BIRC6: variants seen among roughly 807,000 people sequenced by gnomAD.
The protein encoded by BIRC6 is baculoviral IAP repeat containing 6, also known as dual E2 ubiquitin-conjugating enzyme/E3 ubiquitin-protein ligase BIRC6.
A neutral mutation model predicts 503.3 loss-of-function variants in BIRC6; 98 were observed. The ratio of observed to expected loss-of-function variants is 0.19; its 90% confidence interval spans 0.17 to 0.23. The LOEUF (loss-of-function observed/expected upper bound fraction) is 0.23. Among genes scored for constraint, BIRC6 ranks in the 10% least tolerant of loss-of-function variants. The pLI is 1.00. For missense variants in BIRC6, 5,360 were observed against 5,806.0 expected, an observed-to-expected ratio of 0.92 and a Z score of 2.50; for synonymous variants, 2,240 against 2,078.7, an observed-to-expected ratio of 1.08 and a Z score of -2.11.
intron 20 of BIRC6, 144 bp from the exon 21 acceptor site, chr2:32,445,376 TA>T: frequency 1.3e-6 from 1 of 797,204 alleles, no homozygotes; most frequent in Non-Finnish European, 1.8e-6. Flanking sequence ...GTTATCTTTG[TA>T]AATTGCCTAT....
intron 65 of BIRC6, among the ~76,000 whole-genome samples, chr2:32,559,730 A>G (rs1230440440): frequency 3.3e-5 from 5 of 151,790 alleles, no homozygotes; most frequent in African/African-American, 1.2e-4. Flanking sequence ...TAAAAAAAAA[A>G]AAAAAATAAG....
At chr2:32,562,112 A>T (rs903203057) in intron 65 of BIRC6, among the ~76,000 whole-genome samples, 8 of 152,142 alleles carry the variant, frequency 5.3e-5, no homozygotes, top group African/African-American at 1.9e-4. Context: ...TGTGCTTGCA[A>T]ATTTGTGGGA....
At chr2:32,517,481 C>G (rs1368313117) in intron 55 of BIRC6, among the ~76,000 whole-genome samples, 1 of 152,192 alleles carries the variant, frequency 6.6e-6, no homozygotes, top group Non-Finnish European at 1.5e-5. Context: ...GGGCATGATT[C>G]TAGGTATTTG....
intron 65 of BIRC6, among the ~76,000 whole-genome samples, chr2:32,555,095 CAAAT>C (rs1364599941): frequency 7.2e-5 from 11 of 152,090 alleles, no homozygotes; most frequent in Admixed American, 5.2e-4. Context: ...GCCTGAGAAA[CAAAT>C]AATGAAAAAT....
At chr2:32,525,678 A>G (rs1324968550) in intron 59 of BIRC6, 50 bp downstream of exon 59, 3 of 1,551,918 alleles carry the variant, frequency 1.9e-6, no homozygotes, top group South Asian at 1.2e-5. Flanking sequence ...TAGCCTTAAA[A>G]CTATGTAAAT....
intron 10 of BIRC6, among the ~76,000 whole-genome samples, chr2:32,422,546 CT>C (rs2043051157): frequency 6.6e-6 from 1 of 152,188 alleles, no homozygotes. Context: ...CCCTCCTCCC[CT>C]CTCCCAAACT....
chr2:32,518,169 TA>T (rs2055264767), intron 55 of BIRC6, 84 bp from the exon 56 acceptor site: 11 of 1,277,334 alleles, frequency 8.6e-6, no homozygotes, highest in Non-Finnish European at 1.1e-5. Flanking sequence ...AACTTATTCA[TA>T]TTTTCTGTTT....
At chr2:32,613,190 T>G (rs746515579) in intron 73 of BIRC6, among the ~76,000 whole-genome samples, 4 of 130,052 alleles carry the variant, frequency 3.1e-5, no homozygotes, top group Non-Finnish European at 5.5e-5. Context: ...TTGACTGGTT[T>G]GTTTGTTTGT....
At chr2:32,589,016 C>A (rs970808988) in intron 66 of BIRC6, among the ~76,000 whole-genome samples, 3 of 152,136 alleles carry the variant, frequency 2.0e-5, no homozygotes, top group Non-Finnish European at 2.9e-5. Flanking sequence ...TTCATAGCTT[C>A]CTTCAAGCAG....
chr2:32,583,887 C>T (rs556056436), intron 66 of BIRC6, among the ~76,000 whole-genome samples: 30 of 152,226 alleles, frequency 2.0e-4, no homozygotes, highest in African/African-American at 5.5e-4. Flanking sequence ...CCCGCCACCA[C>T]GCCCGGCTAA....
chr2:32,511,201 C>CAT (rs2054365681), intron 53 of BIRC6, among the ~76,000 whole-genome samples: 1 of 48,582 alleles, frequency 2.1e-5, no homozygotes, highest in Admixed American at 2.8e-4. Flanking sequence ...CTTTTCTTTT[C>CAT]TTTTTTTTTT....
intron 51 of BIRC6, 137 bp downstream of exon 51, chr2:32,508,396 TACAA>T: frequency 8.5e-7 from 1 of 1,174,386 alleles, no homozygotes; most frequent in Non-Finnish European, 1.1e-6. Flanking sequence ...ATCTGTATAA[TACAA>T]TTTTATTAGG....
intron 9 of BIRC6, among the ~76,000 whole-genome samples, chr2:32,407,274 C>T (rs1369213304): frequency 1.3e-5 from 2 of 151,932 alleles, no homozygotes; most frequent in African/African-American, 2.4e-5. Flanking sequence ...GGTGAAACCC[C>T]GTTTCTACTA....
intron 23 of BIRC6, among the ~76,000 whole-genome samples, chr2:32,455,332 A>C (rs749859348): frequency 1.1e-4 from 17 of 148,392 alleles, no homozygotes; most frequent in Non-Finnish European, 2.1e-4. Flanking sequence ...GTGAGCTGAG[A>C]TCGCGCTACT....
intron 1 of BIRC6, among the ~76,000 whole-genome samples, chr2:32,358,211 C>G (rs1412105779): frequency 2.6e-5 from 4 of 152,188 alleles, no homozygotes; most frequent in African/African-American, 9.7e-5. Context: ...AAGTCAGGAC[C>G]TGTGGTGTAT....
chr2:32,393,092 C>T (rs1391985629), intron 5 of BIRC6, among the ~76,000 whole-genome samples: 1 of 151,758 alleles, frequency 6.6e-6, no homozygotes, highest in Non-Finnish European at 1.5e-5. Flanking sequence ...AGCAGTTTTA[C>T]AGTTTCGAAA....
chr2:32,487,410 T>C (rs1245809849), intron 40 of BIRC6, among the ~76,000 whole-genome samples: 1 of 152,198 alleles, frequency 6.6e-6, no homozygotes, highest in African/African-American at 2.4e-5. Flanking sequence ...TCTTTGCCTT[T>C]TTTTGTTGGT....
chr2:32,419,161 A>C (rs946923171), intron 10 of BIRC6, among the ~76,000 whole-genome samples: 1 of 152,230 alleles, frequency 6.6e-6, no homozygotes, highest in Non-Finnish European at 1.5e-5. Flanking sequence ...GATAATAACA[A>C]AGCGGAAAGA....
intron 66 of BIRC6, among the ~76,000 whole-genome samples, chr2:32,578,326 T>C (rs6543659): frequency 0.019 from 2,962 of 152,234 alleles, 98 homozygotes; most frequent in African/African-American, 0.067. Context: ...AGTTTAATTT[T>C]AACACTGACT....
Sources: gnomAD v4.1 joint callset for allele counts (sites outside exome capture counted in the v4.1 genomes callset) on GRCh38, gnomAD v4.1.1 for gene constraint, MANE v1.5 for transcripts, NCBI Gene and HGNC (gene_info 2026-07-23, HGNC 2026-07-21) for gene names.